The following CNTNAP2 variants were observed in gnomAD, a reference collection of about 807,000 sequenced individuals.
CNTNAP2 encodes the protein contactin-associated protein-like 2.
In CNTNAP2, 98 loss-of-function variants were observed where a neutral mutation model predicts 155.2. The ratio of observed to expected loss-of-function variants is 0.63; its 90% confidence interval spans 0.54 to 0.75. The LOEUF (loss-of-function observed/expected upper bound fraction) is 0.75. Ranked by LOEUF, CNTNAP2 falls within the 30% of genes least tolerant of loss-of-function variation. CNTNAP2 has a pLI of 0.00. For missense variants in CNTNAP2, 1,727 were observed against 1,688.1 expected, an observed-to-expected ratio of 1.02 and a Z score of -0.40; for synonymous variants, 651 against 631.2, an observed-to-expected ratio of 1.03 and a Z score of -0.47.
At chr7:147,024,737 G>A (rs1199291145) in intron 3 of CNTNAP2, among the ~76,000 whole-genome samples, 1 of 152,174 alleles carries the variant, frequency 6.6e-6, no homozygotes, top group Non-Finnish European at 1.5e-5. Context: ...CACATGTAGG[G>A]AGAGAAACAA....
At chr7:147,874,897 C>T (rs938308816) in intron 13 of CNTNAP2, among the ~76,000 whole-genome samples, 9 of 152,214 alleles carry the variant, frequency 5.9e-5, no homozygotes, top group African/African-American at 1.9e-4. Flanking sequence ...GGGCAAAATG[C>T]TGCCAGTCTC....
At chr7:147,205,131 G>T (rs1248078468) in intron 8 of CNTNAP2, among the ~76,000 whole-genome samples, 1 of 151,876 alleles carries the variant, frequency 6.6e-6, no homozygotes, top group Non-Finnish European at 1.5e-5. Context: ...AAAGTTTTTG[G>T]GTTACATGAA....
At chr7:148,036,456 T>C (rs1260836974) in intron 15 of CNTNAP2, among the ~76,000 whole-genome samples, 2 of 152,178 alleles carry the variant, frequency 1.3e-5, no homozygotes, top group Admixed American at 6.5e-5. Context: ...TGGGGCGAAT[T>C]GCTTATAAAA....
intron 1 of CNTNAP2, among the ~76,000 whole-genome samples, chr7:146,409,966 T>G (rs1215966042): frequency 2.0e-5 from 3 of 152,198 alleles, no homozygotes; most frequent in African/African-American, 7.2e-5. Flanking sequence ...GTGTGTCGCC[T>G]GTGCTCTGTA....
At chr7:146,332,941 A>ATTTTTTTTTTTTTTTTTTTTTTTTTT (rs4016094) in intron 1 of CNTNAP2, among the ~76,000 whole-genome samples, 18 of 102,454 alleles carry the variant, frequency 1.8e-4, no homozygotes, top group South Asian at 3.1e-4. Flanking sequence ...TTCTTCTTCT[A>ATTTTTTTTTTTTTTTTTTTTTTTTTT]TTTTTTTTTT....
At chr7:147,584,222 T>G (rs143022594) in intron 12 of CNTNAP2, among the ~76,000 whole-genome samples, 259 of 152,344 alleles carry the variant, frequency 1.7e-3, no homozygotes, top group African/African-American at 5.9e-3. Flanking sequence ...TCTTTTGAGA[T>G]GCTTCATTTT....
At chr7:147,859,440 A>G (rs942679566) in intron 13 of CNTNAP2, among the ~76,000 whole-genome samples, 2 of 124,966 alleles carry the variant, frequency 1.6e-5, no homozygotes, top group Non-Finnish European at 3.4e-5. Context: ...AAAAAAAAAA[A>G]CATGTCATAT....
chr7:146,451,824 G>A (rs967264218), intron 1 of CNTNAP2, among the ~76,000 whole-genome samples: 25 of 63,832 alleles, frequency 3.9e-4, no homozygotes, highest in Non-Finnish European at 1.4e-4. Context: ...ATATATATAC[G>A]TATATATATA....
rs1386382449 is a variant in CNTNAP2 at position 146,151,726 on chromosome 7, A to G, written c.97+34753A>G. ...TATATATATATATGTATATATATAT[A>G]TGCGCAATGGAATACTATTCAGCCT... On this transcript the variant is annotated intron_variant, in intron 1 of 23. Coordinates refer to ENST00000361727, the MANE Select transcript of CNTNAP2 (RefSeq NM_014141.6). Among the ~76,000 whole-genome samples, 2 of 129,572 alleles carry G rather than the reference A, an allele frequency of 1.5e-5. 1 individual carries two copies. Among genetic ancestry groups the G allele is most frequent in the Non-Finnish European group, 3.2e-5 (2 of 61,616 alleles). The allele number at this position is 129,572 out of a possible 152,430, so 85.0% of individuals were successfully genotyped here.
intron 8 of CNTNAP2, among the ~76,000 whole-genome samples, chr7:147,292,249 A>G (rs1217206718): frequency 1.3e-5 from 2 of 152,028 alleles, no homozygotes; most frequent in Non-Finnish European, 2.9e-5. Context: ...TCTTCTCTGT[A>G]TTTATCCAGT....
chr7:147,917,108 A>T (rs1361321342), intron 14 of CNTNAP2, among the ~76,000 whole-genome samples: 1 of 151,800 alleles, frequency 6.6e-6, no homozygotes, highest in African/African-American at 2.4e-5. Flanking sequence ...CAGCCTTAAA[A>T]CTCTCTTATC....
intron 1 of CNTNAP2, among the ~76,000 whole-genome samples, chr7:146,152,155 TA>T (rs1798061686): frequency 6.6e-6 from 1 of 152,062 alleles, no homozygotes; most frequent in Non-Finnish European, 1.5e-5. Flanking sequence ...AAATGTGATG[TA>T]TATACACAAT....
chr7:146,928,482 C>T (rs901007761), intron 3 of CNTNAP2, among the ~76,000 whole-genome samples: 39 of 152,258 alleles, frequency 2.6e-4, no homozygotes, highest in Non-Finnish European at 3.7e-4. Flanking sequence ...GGAACAGCTC[C>T]GGTCTACAGC....
intron 10 of CNTNAP2, among the ~76,000 whole-genome samples, chr7:147,449,724 T>A (rs1451395771): frequency 1.3e-5 from 2 of 152,154 alleles, no homozygotes; most frequent in East Asian, 3.9e-4. Context: ...ATTCTTAGAA[T>A]GGAGCTAGGG....
rs372386033 is a variant in CNTNAP2 at position 147,836,507 on chromosome 7, C to T, written c.2099-67058C>T. Reference sequence around the variant, plus strand: ...ACATCAGCTCCAAAGTGCAACTCTACGGGAAGCCCTCCTGCCCCTTTATAA... The same window carrying T: ...ACATCAGCTCCAAAGTGCAACTCTATGGGAAGCCCTCCTGCCCCTTTATAA... On this transcript the variant is annotated intron_variant, in intron 13 of 23. Coordinates refer to ENST00000361727, the MANE Select transcript of CNTNAP2 (RefSeq NM_014141.6). 3.9e-4 allele frequency among the ~76,000 whole-genome samples: 60 copies of T among 152,276 alleles called. 1 individual carries two copies. The highest frequency in any genetic ancestry group is 3.3e-3 in the Admixed American group (51 of 15,286).
chr7:148,409,790 G>A (rs1162993484), intron 23 of CNTNAP2, among the ~76,000 whole-genome samples: 1 of 120,378 alleles, frequency 8.3e-6, no homozygotes, highest in Non-Finnish European at 1.8e-5. Flanking sequence ...GGTGGCTCAC[G>A]CCTGTAATCC....
At chr7:147,459,952 T>C (rs919275965) in intron 10 of CNTNAP2, among the ~76,000 whole-genome samples, 3 of 151,928 alleles carry the variant, frequency 2.0e-5, no homozygotes, top group Non-Finnish European at 4.4e-5. Flanking sequence ...TGAGAACACA[T>C]GGACACAGGG....
At chr7:146,586,530 C>T (rs1479663111) in intron 1 of CNTNAP2, among the ~76,000 whole-genome samples, 1 of 151,546 alleles carries the variant, frequency 6.6e-6, no homozygotes, top group Non-Finnish European at 1.5e-5. Flanking sequence ...TTGACATTTA[C>T]ACACACATAC....
intron 1 of CNTNAP2, among the ~76,000 whole-genome samples, chr7:146,499,147 G>T (rs1431619708): frequency 6.6e-6 from 1 of 152,124 alleles, no homozygotes; most frequent in Non-Finnish European, 1.5e-5. Flanking sequence ...TATACAAGCT[G>T]CAATTTGAAA....
Sources: gnomAD v4.1 joint callset for allele counts (sites outside exome capture counted in the v4.1 genomes callset) on GRCh38, gnomAD v4.1.1 for gene constraint, MANE v1.5 for transcripts, NCBI Gene and HGNC (gene_info 2026-07-23, HGNC 2026-07-21) for gene names.